VPS53: variants seen among roughly 807,000 people sequenced by gnomAD.
VPS53 encodes the protein VPS53 subunit of GARP complex, also known as vacuolar protein sorting-associated protein 53 homolog.
In VPS53, 70 loss-of-function variants were observed where a neutral mutation model predicts 107.0. The ratio of observed to expected loss-of-function variants is 0.65; its 90% CI spans 0.54 to 0.80. The LOEUF is 0.80. VPS53 is among the 30% of genes least tolerant of loss of function. The probability of loss-of-function intolerance (pLI) is 0.00; values close to 1 mark genes in which losing one functional copy is unlikely to be tolerated. For missense variants in VPS53, 917 were observed against 1,049.4 expected, an observed-to-expected ratio of 0.87 and a Z score of 1.74; for synonymous variants, 409 against 393.3, an observed-to-expected ratio of 1.04 and a Z score of -0.47.
intron 13 of VPS53, among the ~76,000 whole-genome samples, chr17:566,216 A>G (rs566383422): frequency 6.6e-6 from 1 of 151,920 alleles, no homozygotes; most frequent in South Asian, 2.1e-4. Flanking sequence ...AAAAAAAAAA[A>G]AAAAAAGAAA....
chr17:640,916 A>G (rs1970400975), intron 7 of VPS53, among the ~76,000 whole-genome samples: 1 of 151,498 alleles, frequency 6.6e-6, no homozygotes, highest in Admixed American at 6.6e-5. Flanking sequence ...GTGCAATGGG[A>G]TAATCTCGGC....
chr17:631,229 G>A (rs76166882), intron 8 of VPS53, among the ~76,000 whole-genome samples: 7 of 151,652 alleles, frequency 4.6e-5, no homozygotes, highest in East Asian at 1.9e-4. Flanking sequence ...TAAAAACACC[G>A]CGGCATGAAG....
rs201259642 is a variant in VPS53, at chr17:697,462, T to C, written c.241A>G (p.Thr81Ala). The C allele has an allele frequency of 3.4e-5, 55 of 1,613,902 alleles. No homozygotes were observed. Among genetic ancestry groups the C allele is most frequent in the Admixed American group, 1.3e-4 (8 of 60,016 alleles). The part of the protein sequence containing the change: ...KIRRLDDNIR[T>A]VVRGQTNVGQ... ...ACGTTCGTCTGACCTCTTACAACAG[T>C]TCGAATATTGTCATCCAGTCTCCTA... Residue 81 changes from threonine (T) to alanine (A), a missense_variant, in exon 4 of 22, where the codon ACT (threonine) becomes GCT (alanine). Thr to Ala is a moderately conservative substitution (Grantham distance 58). Transcript: ENST00000437048.
At chr17:598,284 G>A (rs1047870373) in intron 12 of VPS53, among the ~76,000 whole-genome samples, 1 of 152,304 alleles carries the variant, frequency 6.6e-6, no homozygotes, top group South Asian at 2.1e-4. Context: ...CCAGGCTGGA[G>A]TGCAGGGGCG....
rs377280066 is a variant in VPS53 at position 623,641 on chromosome 17, C to A, written c.1008G>T (p.Ala336=). Residue 336 remains alanine, a synonymous_variant, in exon 11 of 22, where the codon GCG becomes GCT. Coordinates refer to ENST00000437048, the MANE Select transcript of VPS53 (RefSeq NM_001128159.3). Reference sequence around the variant, plus strand: ...GAAGCAATTTCACTTCAATTTCCTTCGCTCTGGTACGCATAATCTTGGCAA... The same window carrying A: ...GAAGCAATTTCACTTCAATTTCCTTAGCTCTGGTACGCATAATCTTGGCAA... ...AELAKIMRTR[A]KEIEVKLLLF... is the part of the protein sequence containing the mutation. 18 of 1,613,750 alleles carry A rather than the reference C, an allele frequency of 1.1e-5. No homozygotes were observed. The South Asian group carries it at 1.9e-4, about 17-fold the overall frequency.
intron 4 of VPS53, among the ~76,000 whole-genome samples, chr17:681,736 G>A (rs536265874): frequency 1.3e-5 from 2 of 152,322 alleles, no homozygotes; most frequent in Admixed American, 1.3e-4. Flanking sequence ...CCTGGAAGCT[G>A]GAAAGTCCAA....
At chr17:673,278 G>A (rs988988924) in intron 4 of VPS53, among the ~76,000 whole-genome samples, 17 of 152,208 alleles carry the variant, frequency 1.1e-4, no homozygotes, top group Admixed American at 4.6e-4. Context: ...GGGTCAAGTC[G>A]CCTCTCTTTA....
At chr17:564,718 G>A (rs1448742866) in intron 13 of VPS53, among the ~76,000 whole-genome samples, 4 of 142,918 alleles carry the variant, frequency 2.8e-5, no homozygotes, top group East Asian at 2.0e-4. Context: ...CTTGATATCT[G>A]GAAAAAAAAA....
rs190625245 is a variant in VPS53 at position 618,981 on chromosome 17, C to A, written c.1116+4552G>T. ...CTGGGTAGCTGGGACTACACGTGTGCACCACCACGCCTGCTAATATTTCCC... is the reference window on the plus strand; with the variant it reads ...CTGGGTAGCTGGGACTACACGTGTGAACCACCACGCCTGCTAATATTTCCC... On this transcript the variant is annotated intron_variant, in intron 11 of 21. Transcript: ENST00000437048. 1.3e-3 allele frequency among the ~76,000 whole-genome samples: 192 copies of A among 148,980 alleles called. 1 individual carries two copies. The highest frequency in any genetic ancestry group is 3.8e-3 in the African/African-American group (153 of 40,188).
At chr17:591,021 G>A (rs997444392) in intron 12 of VPS53, among the ~76,000 whole-genome samples, 44 of 151,992 alleles carry the variant, frequency 2.9e-4, no homozygotes, top group African/African-American at 6.7e-4. Flanking sequence ...ACTCTTTTTC[G>A]TTGGTAAGCT....
rs555683453 is a variant in VPS53, at chr17:633,516, T to C, written c.609-1888A>G. Among the ~76,000 whole-genome samples, 3 of 152,248 alleles carry C rather than the reference T, an allele frequency of 2.0e-5. No individual in the cohort carries two copies. In the South Asian group the frequency reaches 6.2e-4, roughly 32 times the overall value. Reference sequence around the variant, plus strand: ...AGGAGTGTCTGGCAACCTGCTGAGATTTTTTTTCAGATGAGGGGATAGGCA... The same window carrying C: ...AGGAGTGTCTGGCAACCTGCTGAGACTTTTTTTCAGATGAGGGGATAGGCA... On this transcript the variant is annotated intron_variant, in intron 7 of 21. Transcript: ENST00000437048.
At chr17:537,382 G>T in intron 17 of VPS53, 1 of 587,026 alleles carries the variant, frequency 1.7e-6, no homozygotes, top group Non-Finnish European at 3.0e-6. Context: ...ACCCGACAGT[G>T]AGGTGTGACC....
At chr17:647,638 C>T (rs1232920817) in intron 7 of VPS53, among the ~76,000 whole-genome samples, 1 of 152,112 alleles carries the variant, frequency 6.6e-6, no homozygotes, top group Non-Finnish European at 1.5e-5. Flanking sequence ...ACAGTCCAGT[C>T]TGATAAGGTG....
At chr17:685,949 C>T (rs1029054214) in intron 4 of VPS53, among the ~76,000 whole-genome samples, 5 of 151,816 alleles carry the variant, frequency 3.3e-5, no homozygotes, top group African/African-American at 1.2e-4. Context: ...GAGTTTGAGA[C>T]AGTGAGCTAT....
rs746131833 is a variant in VPS53, at chr17:655,990, G to C, written c.373-37C>G. On this transcript the variant is annotated intron_variant, in intron 5 of 21. Transcript: ENST00000437048. Reference sequence around the variant, plus strand: ...AAAACCACAAGAAAGAAAGGAAGACGGTCAAGAAAGATGTAAAACACTTCT... The same window carrying C: ...AAAACCACAAGAAAGAAAGGAAGACCGTCAAGAAAGATGTAAAACACTTCT... 3.2e-6 allele frequency: 5 copies of C among 1,564,656 alleles called. No individual in the cohort carries two copies. In the African/African-American group the frequency reaches 4.1e-5, roughly 13 times the overall value.
At chr17:650,484 A>G (rs1335980248) in intron 7 of VPS53, among the ~76,000 whole-genome samples, 2 of 148,108 alleles carry the variant, frequency 1.4e-5, no homozygotes, top group African/African-American at 2.5e-5. Flanking sequence ...GCAACACAGC[A>G]AGACTCCGTC....
chr17:612,867 TCA>T lies in VPS53; in HGVS notation c.1116+10664_1116+10665del, dbSNP rs200493767. Among the ~76,000 whole-genome samples, 827 of 149,624 alleles carry T rather than the reference TCA, an allele frequency of 5.5e-3. 30 individuals are homozygous for T. Among genetic ancestry groups the T allele is most frequent in the African/African-American group, 0.02 (794 of 40,068 alleles). ...TCACAGCAGTATTCAAATAGTGAAT[TCA>T]CACAGTGAAAACCTGTACAAATATT... On this transcript the variant is annotated intron_variant, in intron 11 of 21. Transcript: ENST00000437048.
chr17:555,409 T>G (rs112986753), intron 15 of VPS53, among the ~76,000 whole-genome samples: 30,482 of 152,202 alleles, frequency 0.2, 3,938 homozygotes, highest in Non-Finnish European at 0.29. Flanking sequence ...ATGTTGGCCA[T>G]GCTGGTCTCA....
intron 7 of VPS53, among the ~76,000 whole-genome samples, chr17:639,295 G>A (rs1970327988): frequency 6.6e-6 from 1 of 152,146 alleles, no homozygotes; most frequent in African/African-American, 2.4e-5. Context: ...TCTCTAGACT[G>A]GTTATTCTAG....
Sources: gnomAD v4.1 joint callset for allele counts (sites outside exome capture counted in the v4.1 genomes callset) on GRCh38, gnomAD v4.1.1 for gene constraint, MANE v1.5 for transcripts, NCBI Gene and HGNC (gene_info 2026-07-23, HGNC 2026-07-21) for gene names.